PARD3: variants seen among roughly 807,000 people sequenced by gnomAD.
PARD3 encodes the protein par-3 family cell polarity regulator, also known as partitioning defective 3 homolog.
PARD3 carries 75 observed loss-of-function variants against 155.4 expected under a neutral mutation model. The observed-to-expected ratio is 0.48, with a 90% CI of 0.40 to 0.58. The LOEUF (loss-of-function observed/expected upper bound fraction) is 0.58. PARD3 is among the 20% of genes least tolerant of loss of function. PARD3 has a pLI of 0.00. For synonymous variants in PARD3, 576 were observed against 610.5 expected (o/e 0.94, Z 0.83); for missense variants, 1,642 against 1,721.7 (o/e 0.95, Z 0.82).
At chr10:34,314,736 C>A (rs1957905333) in intron 20 of PARD3, among the ~76,000 whole-genome samples, 1 of 152,142 alleles carries the variant, frequency 6.6e-6, no homozygotes, top group Admixed American at 6.6e-5. Flanking sequence ...AGCCCTATGT[C>A]CATGCCATAA....
At chr10:34,552,849 T>C (rs879600117) in intron 2 of PARD3, among the ~76,000 whole-genome samples, 4 of 152,164 alleles carry the variant, frequency 2.6e-5, no homozygotes, top group African/African-American at 9.7e-5. Flanking sequence ...TCAAAATTAC[T>C]ATCAAAATAC....
chr10:34,618,653 TCA>T (rs1195995523), intron 2 of PARD3, among the ~76,000 whole-genome samples: 1 of 152,178 alleles, frequency 6.6e-6, no homozygotes, highest in Non-Finnish European at 1.5e-5. Context: ...TTTCAAAACT[TCA>T]AATGTCTTCT....
intron 22 of PARD3, among the ~76,000 whole-genome samples, chr10:34,161,967 T>C (rs1012029920): frequency 2.6e-5 from 4 of 152,086 alleles, no homozygotes; most frequent in African/African-American, 4.8e-5. Context: ...GTAATATTAG[T>C]GTTATGCCTA....
intron 1 of PARD3, among the ~76,000 whole-genome samples, chr10:34,740,662 T>C (rs1205003967): frequency 6.6e-6 from 1 of 151,956 alleles, no homozygotes; most frequent in Non-Finnish European, 1.5e-5. Context: ...CAAAGGCCTC[T>C]CTCACCAGCC....
At chr10:34,727,881 C>CAA (rs2094746059) in intron 1 of PARD3, among the ~76,000 whole-genome samples, 1 of 83,626 alleles carries the variant, frequency 1.2e-5, no homozygotes, top group African/African-American at 3.4e-5. Context: ...CCCTCCGCCA[C>CAA]ACACACACAC....
At chr10:34,314,716 A>C (rs914222372) in intron 20 of PARD3, among the ~76,000 whole-genome samples, 1 of 152,236 alleles carries the variant, frequency 6.6e-6, no homozygotes, top group Admixed American at 6.5e-5. Context: ...AGTCGTCATT[A>C]TATAGTATTA....
chr10:34,432,407 G>A (rs1447181928), intron 5 of PARD3, among the ~76,000 whole-genome samples: 1 of 149,910 alleles, frequency 6.7e-6, no homozygotes, highest in Non-Finnish European at 1.5e-5. Context: ...ATAGTACCTG[G>A]CACTAGGTAA....
At chr10:34,498,449 G>A (rs921185181) in intron 3 of PARD3, among the ~76,000 whole-genome samples, 1 of 152,022 alleles carries the variant, frequency 6.6e-6, no homozygotes, top group Non-Finnish European at 1.5e-5. Context: ...TTTATGTCAC[G>A]CTTTATTCCT....
chr10:34,113,684 C>T (rs1588799894), intron 24 of PARD3, among the ~76,000 whole-genome samples: 1 of 152,020 alleles, frequency 6.6e-6, no homozygotes, highest in African/African-American at 2.4e-5. Flanking sequence ...ACTAAGCATC[C>T]AGCTGGGCAA....
intron 2 of PARD3, among the ~76,000 whole-genome samples, chr10:34,690,059 T>G (rs2133419000): frequency 1.3e-5 from 2 of 152,286 alleles, no homozygotes; most frequent in African/African-American, 4.8e-5. Flanking sequence ...TTCTCCTGCC[T>G]CAGCCTCCCA....
intron 22 of PARD3, among the ~76,000 whole-genome samples, chr10:34,168,562 G>C (rs921781016): frequency 6.6e-6 from 1 of 152,098 alleles, no homozygotes; most frequent in Non-Finnish European, 1.5e-5. Flanking sequence ...TAGGGCAGGC[G>C]TGTGATTTGG....
At chr10:34,482,435 C>T (rs1244193890) in intron 3 of PARD3, among the ~76,000 whole-genome samples, 2 of 152,024 alleles carry the variant, frequency 1.3e-5, no homozygotes, top group Non-Finnish European at 2.9e-5. Context: ...TCTCCCAAAG[C>T]GCTGGGATTA....
intron 11 of PARD3, among the ~76,000 whole-genome samples, chr10:34,374,279 T>C (rs144296536): frequency 2.0e-4 from 31 of 152,312 alleles, no homozygotes; most frequent in East Asian, 1.7e-3. Context: ...GTGAAGGAGA[T>C]AGGTTGCAAA....
At chr10:34,635,117 T>C (rs899841087) in intron 2 of PARD3, among the ~76,000 whole-genome samples, 4 of 152,152 alleles carry the variant, frequency 2.6e-5, no homozygotes, top group Non-Finnish European at 2.9e-5. Context: ...GAAAAATACA[T>C]ATTTAAGACA....
At chr10:34,606,836 G>A (rs886106474) in intron 2 of PARD3, among the ~76,000 whole-genome samples, 10 of 151,250 alleles carry the variant, frequency 6.6e-5, no homozygotes, top group African/African-American at 2.2e-4. Context: ...GCATGGTGGT[G>A]CACGCCTGTA....
At chr10:34,319,455 T>C (rs1958243030) in intron 19 of PARD3, among the ~76,000 whole-genome samples, 1 of 152,224 alleles carries the variant, frequency 6.6e-6, no homozygotes, top group South Asian at 2.1e-4. Context: ...AGCCATTGTC[T>C]TCCTCCAAAG....
intron 2 of PARD3, among the ~76,000 whole-genome samples, chr10:34,606,156 ATGTGTGTGTGTGTGTGTGTG>A (rs59792013): frequency 0.016 from 2,045 of 126,538 alleles, 60 homozygotes; most frequent in African/African-American, 0.05. Flanking sequence ...ATAAAGGGAA[ATGTGTGTGTGTGTGTGTGTG>A]TGTGTGTGTG....
intron 1 of PARD3, among the ~76,000 whole-genome samples, chr10:34,718,908 AGCCG>A (rs2094562169): frequency 2.0e-5 from 3 of 152,308 alleles, no homozygotes; most frequent in African/African-American, 7.2e-5. Flanking sequence ...GGTTGCAGTG[AGCCG>A]AGATTGAGCC....
rs1260716795 is a variant in PARD3 at position 34,562,834 on chromosome 10, G to GC, written c.223-45676dup. ...GGAGTACAGTGGCTCCATCACAGAT[G>GC]CAGTACAGATCACTGCAGCCTCAAA... On this transcript the variant is annotated intron_variant, in intron 2 of 24. Coordinates refer to ENST00000374788, the MANE Select transcript of PARD3 (RefSeq NM_001184785.2). 3.3e-5 allele frequency among the ~76,000 whole-genome samples: 5 copies of GC among 151,728 alleles called. No individual in the cohort carries two copies. In the East Asian group the frequency reaches 9.7e-4, roughly 29 times the overall value.
Sources: gnomAD v4.1 joint callset for allele counts (sites outside exome capture counted in the v4.1 genomes callset) on GRCh38, gnomAD v4.1.1 for gene constraint, MANE v1.5 for transcripts, NCBI Gene and HGNC (gene_info 2026-07-23, HGNC 2026-07-21) for gene names.